RAPGEF1: variants seen among roughly 807,000 people sequenced by gnomAD.
The protein encoded by RAPGEF1 is CRK SH3-binding GNRP.
A neutral mutation model predicts 143.3 loss-of-function variants in RAPGEF1; 33 were observed. The observed-to-expected ratio is 0.23, with a 90% CI of 0.17 to 0.31. The LOEUF is 0.31. Among genes scored for constraint, RAPGEF1 ranks in the 10% least tolerant of loss-of-function variants. The pLI is 1.00. For missense variants in RAPGEF1, 1,199 were observed against 1,645.4 expected, an observed-to-expected ratio of 0.73 and a Z score of 4.69; for synonymous variants, 629 against 676.5, an observed-to-expected ratio of 0.93 and a Z score of 1.09.
In RAPGEF1 at chr9:131,617,851, C is replaced by T. The variant is rs531726359; in HGVS notation, c.2061+1200G>A. On this transcript the variant is annotated intron_variant, in intron 12 of 26. Coordinates refer to ENST00000683357, the MANE Select transcript of RAPGEF1 (RefSeq NM_001377935.1). ...GGCCAAACTTCTTTCAAGTGGGACT[C>T]GAAATTGTTCTAGAGTTCTTTCCCC... is the stretch of plus-strand genomic sequence containing the variant. 7.9e-5 allele frequency among the ~76,000 whole-genome samples: 12 copies of T among 152,300 alleles called. No individual in the cohort carries two copies. In the South Asian group the frequency reaches 2.5e-3, roughly 32 times the overall value.
intron 5 of RAPGEF1, among the ~76,000 whole-genome samples, chr9:131,631,757 G>C (rs1964928901): frequency 6.6e-6 from 1 of 152,108 alleles, no homozygotes; most frequent in South Asian, 2.1e-4. Context: ...CCAGCGCAAG[G>C]GTTCTTTCGA....
At chr9:131,703,512 TC>T (rs2131140127) in intron 1 of RAPGEF1, among the ~76,000 whole-genome samples, 1 of 152,304 alleles carries the variant, frequency 6.6e-6, no homozygotes, top group East Asian at 1.9e-4. Context: ...ATGGACAGAC[TC>T]CTTCATCCTC....
chr9:131,730,643 C>T (rs1287950820), intron 1 of RAPGEF1, among the ~76,000 whole-genome samples: 2 of 145,976 alleles, frequency 1.4e-5, no homozygotes, highest in African/African-American at 5.1e-5. Context: ...TGCAGTGAGC[C>T]GAGATCACCC....
In RAPGEF1 at chr9:131,714,329, A is replaced by AT. The variant is rs112187233; in HGVS notation, c.61+25440dup. Reference sequence around the variant, plus strand: ...AGGCGGTGCTCACTTCTTGAAGGAGATTTTTTTTTTTTTTTAGATAGAAAT... The same window carrying AT: ...AGGCGGTGCTCACTTCTTGAAGGAGATTTTTTTTTTTTTTTTAGATAGAAAT... On this transcript the variant is annotated intron_variant, in intron 1 of 26. Coordinates refer to ENST00000683357, the MANE Select transcript of RAPGEF1 (RefSeq NM_001377935.1). Among the ~76,000 whole-genome samples the AT allele has an allele frequency of 3.2e-3, 454 of 142,826 alleles. 2 individuals carry two copies. Among genetic ancestry groups the AT allele is most frequent in the Non-Finnish European group, 3.7e-3 (242 of 64,806 alleles). 93.7% of individuals were successfully genotyped at this position (142,826 alleles called of 152,430 possible).
intron 5 of RAPGEF1, among the ~76,000 whole-genome samples, chr9:131,632,581 T>C (rs1965227220): frequency 6.6e-6 from 1 of 152,216 alleles, no homozygotes; most frequent in Non-Finnish European, 1.5e-5. Context: ...CACAATTAAA[T>C]ATTTGATAAT....
At chr9:131,699,664 GCCT>G (rs1308617966) in intron 1 of RAPGEF1, among the ~76,000 whole-genome samples, 1 of 152,082 alleles carries the variant, frequency 6.6e-6, no homozygotes, top group Non-Finnish European at 1.5e-5. Context: ...CCCCCTCTCT[GCCT>G]CCTCCTCAGG....
chr9:131,609,957 T>C (rs2132615237), intron 12 of RAPGEF1, among the ~76,000 whole-genome samples: 1 of 152,338 alleles, frequency 6.6e-6, no homozygotes, highest in South Asian at 2.1e-4. Flanking sequence ...AGTGCAGTGA[T>C]GCGGTCTTGG....
rs577793635 is a variant in RAPGEF1, at chr9:131,579,488, C to T, written c.*9G>A. ...CCTCGAGCATTCTCCTGGATCCCGG[C>T]GTCTGCTCCTAGGTCTTCTCTTCCC... On this transcript the variant is annotated 3_prime_UTR_variant, in exon 27 of 27. Transcript: ENST00000683357. 8.1e-6 allele frequency: 13 copies of T among 1,613,116 alleles called. No individual in the cohort carries two copies. In the South Asian group the frequency reaches 8.8e-5, roughly 11 times the overall value.
intron 1 of RAPGEF1, among the ~76,000 whole-genome samples, chr9:131,687,955 T>C (rs1833489889): frequency 6.6e-6 from 1 of 152,216 alleles, no homozygotes; most frequent in South Asian, 2.1e-4. Flanking sequence ...ATACACAGCA[T>C]AGCAATTCTT....
At chr9:131,730,683 G>A (rs984626068) in intron 1 of RAPGEF1, among the ~76,000 whole-genome samples, 16 of 91,774 alleles carry the variant, frequency 1.7e-4, no homozygotes, top group Non-Finnish European at 3.1e-4. Context: ...CAACAGCAGA[G>A]TGAGACTCCA....
intron 1 of RAPGEF1, among the ~76,000 whole-genome samples, chr9:131,733,621 C>T (rs1421500011): frequency 6.6e-6 from 1 of 152,156 alleles, no homozygotes; most frequent in African/African-American, 2.4e-5. Context: ...ACTCATAAAA[C>T]AGCCTTTGGG....
At chr9:131,737,385 T>C in intron 1 of RAPGEF1, 1 of 1,613,746 alleles carries the variant, frequency 6.2e-7, no homozygotes, top group South Asian at 1.1e-5. Flanking sequence ...ATTCCCGCAC[T>C]CATGACACCC....
At chr9:131,598,497 G>A in intron 15 of RAPGEF1, 187 bp from the exon 16 acceptor site, 2 of 697,446 alleles carry the variant, frequency 2.9e-6, no homozygotes, top group East Asian at 2.7e-5. Context: ...CCATAGGACA[G>A]TCGCTGCTGC....
chr9:131,737,958 A>G (rs1589135470), intron 1 of RAPGEF1, among the ~76,000 whole-genome samples: 1 of 123,744 alleles, frequency 8.1e-6, no homozygotes, highest in African/African-American at 3.1e-5. Flanking sequence ...ACAGAGCAAG[A>G]CTCCGTCTCA....
At chr9:131,666,839 T>G (rs1208082002) in intron 1 of RAPGEF1, among the ~76,000 whole-genome samples, 1 of 152,226 alleles carries the variant, frequency 6.6e-6, no homozygotes, top group East Asian at 1.9e-4. Context: ...TGGCCACATT[T>G]CCAGTGCTGC....
At position 131,667,315 on chromosome 9, in the gene RAPGEF1, A is replaced by G. The variant is rs1830597578; in HGVS notation, c.62-16366T>C. Among the ~76,000 whole-genome samples, 1 of 151,894 alleles carries G rather than the reference A, an allele frequency of 6.6e-6. No individual in the cohort carries two copies. Among genetic ancestry groups the G allele is most frequent in the African/African-American group, 2.4e-5 (1 of 41,342 alleles). On this transcript the variant is annotated intron_variant, in intron 1 of 26. Transcript: ENST00000683357. The surrounding 1 kb of genome is among the most constrained non-coding windows in gnomAD (Gnocchi z 4.6). ...CAAGGCATTCTTATTACCACTCAAC[A>G]GATGAGGAGACCGAGTCACAGGCGG...
chr9:131,678,392 C>T (rs1272493413), intron 1 of RAPGEF1, among the ~76,000 whole-genome samples: 2 of 152,188 alleles, frequency 1.3e-5, no homozygotes, highest in Non-Finnish European at 2.9e-5. Context: ...TTCAACTTTG[C>T]TTTTACAAGA....
chr9:131,596,518 G>T, intron 16 of RAPGEF1, 145 bp from the exon 17 acceptor site: 1 of 821,622 alleles, frequency 1.2e-6, no homozygotes, highest in Non-Finnish European at 2.0e-6. Context: ...CCCAGGAGCA[G>T]TGTGGCTGCG....
intron 1 of RAPGEF1, among the ~76,000 whole-genome samples, chr9:131,739,224 CA>C (rs1049513445): frequency 2.0e-5 from 3 of 152,360 alleles, no homozygotes; most frequent in Admixed American, 2.0e-4. Context: ...GCCCTCCTTG[CA>C]GAGCTGAGCT....
Sources: gnomAD v4.1 joint callset for allele counts (sites outside exome capture counted in the v4.1 genomes callset) on GRCh38, gnomAD v4.1.1 for gene constraint, Gnocchi (gnomAD v3.1) non-coding constraint, MANE v1.5 for transcripts, NCBI Gene and HGNC (gene_info 2026-07-23, HGNC 2026-07-21) for gene names.